The following SLC44A4 variants were observed in gnomAD, a reference collection of about 807,000 sequenced individuals.
SLC44A4 encodes the protein solute carrier family 44 member 4.
A neutral mutation model predicts 97.0 loss-of-function variants in SLC44A4; 74 were observed. The ratio of observed to expected loss-of-function variants is 0.76; its 90% CI spans 0.63 to 0.93. The LOEUF is 0.93. Among genes scored for constraint, SLC44A4 ranks in the 40% least tolerant of loss-of-function variants. The probability of loss-of-function intolerance (pLI) is 0.00; values close to 1 mark genes in which losing one functional copy is unlikely to be tolerated. For missense variants in SLC44A4, 799 were observed against 902.9 expected, an observed-to-expected ratio of 0.88 and a Z score of 1.48; for synonymous variants, 325 against 363.8, an observed-to-expected ratio of 0.89 and a Z score of 1.21.
Position 31,874,514 on chromosome 6 carries a change from T to A in SLC44A4, c.475A>T (p.Ile159Phe). ...CAGAGTTCCTGTTGCAGGCTTGTGA[T>A]CACCGTCTGTGGCAGGAGTGAAAGG... ...LPGVPWNMTV[I>F]TSLQQELCPS... The change falls in exon 7 of 21, where the codon ATC becomes TTC. Residue 159 changes from isoleucine to phenylalanine, a missense_variant. Coordinates refer to ENST00000229729, the MANE Select transcript of SLC44A4 (RefSeq NM_025257.3). This position sits in a 1 kb window ranked among gnomAD's most constrained non-coding sequence, Gnocchi z 4.8. The A allele has an allele frequency of 3.7e-6, 6 of 1,612,792 alleles. No individual in the cohort carries two copies. Among genetic ancestry groups the A allele is most frequent in the Non-Finnish European group, 5.1e-6 (6 of 1,179,900 alleles).
At chr6:31,866,842 C>T (rs1005689241) in intron 13 of SLC44A4, among the ~76,000 whole-genome samples, 1 of 150,000 alleles carries the variant, frequency 6.7e-6, no homozygotes, top group African/African-American at 2.5e-5. Flanking sequence ...TGCAGTGGGC[C>T]GAGATCGCGC....
Position 31,876,946 on chromosome 6 carries a change from T to C in SLC44A4, c.89+88A>G. 7.5e-7 allele frequency: 1 copy of C among 1,333,782 alleles called. No homozygotes were observed. Among genetic ancestry groups the C allele is most frequent in the Non-Finnish European group, 1.0e-6 (1 of 967,274 alleles). 82.6% of individuals were successfully genotyped at this position (1,333,782 alleles called of 1,614,324 possible). A position where few individuals can be genotyped will look rare whatever the true frequency, so the allele number is the denominator to read the frequency against. ...TTTCTCTTTTTCACAAGTTTCCTAC[T>C]AATATTTTAGCAAATACAAAGCAAA... On this transcript the variant is annotated intron_variant, in intron 2 of 20. Coordinates refer to ENST00000229729, the MANE Select transcript of SLC44A4 (RefSeq NM_025257.3). This position sits in a 1 kb window ranked among gnomAD's most constrained non-coding sequence, Gnocchi z 4.8.
At chr6:31,864,490 CCCTAAACG>C (rs1377701604) in intron 20 of SLC44A4, 154 bp downstream of exon 20, 1 of 663,002 alleles carries the variant, frequency 1.5e-6, no homozygotes, top group African/African-American at 1.8e-5. Flanking sequence ...CTTCCTTCTT[CCCTAAACG>C]CCTGGCCTCA....
rs146889731 is a variant in SLC44A4, at chr6:31,864,668, C to T, written c.1995G>A (p.Thr665=). ...FFSVFGMCVD[T]LFLCFLEDLE... The stretch of plus-strand genomic sequence containing the variant: ...GTCACTCACGGAAGCAGAGGAAGAG[C>T]GTGTCCACACACATGCCGAAAACGC... Residue 665 remains threonine, a synonymous_variant, in exon 20 of 21, where the codon ACG becomes ACA. Coordinates refer to ENST00000229729, the MANE Select transcript of SLC44A4 (RefSeq NM_025257.3). 1.5e-5 allele frequency: 24 copies of T among 1,613,688 alleles called. No individual in the cohort carries two copies. Among genetic ancestry groups the T allele is most frequent in the African/African-American group, 1.2e-4 (9 of 74,768 alleles).
Position 31,876,275 on chromosome 6 carries a change from C to CT in SLC44A4, c.90-147dup, listed in dbSNP as rs1367006274. ...TATTTTTATTTTTTTATTGCTTTTA[C>CT]TTTTTTATTTTGAGACAGGGTCTCA... On this transcript the variant is annotated intron_variant, in intron 2 of 20. Transcript: ENST00000229729. This position sits in a 1 kb window ranked among gnomAD's most constrained non-coding sequence, Gnocchi z 4.8. The CT allele has an allele frequency of 7.9e-6, 5 of 633,376 alleles. No homozygotes were observed. The highest frequency in any genetic ancestry group is 5.4e-6 in the Non-Finnish European group (2 of 372,216). 39.2% of individuals were successfully genotyped at this position (633,376 alleles called of 1,614,324 possible). A position where few individuals can be genotyped will look rare whatever the true frequency, so the allele number is the denominator to read the frequency against.
Position 31,874,103 on chromosome 6 carries a change from A to C in SLC44A4, c.529+357T>G. 6.6e-6 allele frequency among the ~76,000 whole-genome samples: 1 copy of C among 152,092 alleles called. No individual in the cohort carries two copies. Among genetic ancestry groups the C allele is most frequent in the South Asian group, 2.1e-4 (1 of 4,808 alleles). ...GCACTCCAGCCTGGGCAACAGAGGA[A>C]GACTCCGTCAAAAAAAAAAAAATGT... On this transcript the variant is annotated intron_variant, in intron 7 of 20. Coordinates refer to ENST00000229729, the MANE Select transcript of SLC44A4 (RefSeq NM_025257.3). The surrounding 1 kb of genome is among the most constrained non-coding windows in gnomAD (Gnocchi z 4.8).
chr6:31,873,339 C>A (rs1039778640), intron 7 of SLC44A4, among the ~76,000 whole-genome samples: 3 of 152,124 alleles, frequency 2.0e-5, no homozygotes, highest in African/African-American at 7.2e-5. Context: ...CATGCCACCA[C>A]GCCCAGCTAA....
chr6:31,870,559 C>T (rs769606360), intron 11 of SLC44A4, 44 bp downstream of exon 11: 23 of 1,504,724 alleles, frequency 1.5e-5, no homozygotes, highest in Non-Finnish European at 2.1e-5. Flanking sequence ...ACTCCTGGGT[C>T]CACGCTGTCC....
chr6:31,870,798 G>A lies in SLC44A4; in HGVS notation c.937+14C>T, dbSNP rs1763120239. On this transcript the variant is annotated intron_variant, in intron 10 of 20. Transcript: ENST00000229729. ...TTGGGCAGCTGGTGGCTTGGGGGTG[G>A]GCAGGACACTCACGGGCGGCCAGCC... The A allele has an allele frequency of 1.2e-6, 2 of 1,612,676 alleles. No homozygotes were observed. Among genetic ancestry groups the A allele is most frequent in the Admixed American group, 1.7e-5 (1 of 59,986 alleles).
intron 4 of SLC44A4, 59 bp downstream of exon 4, chr6:31,875,793 T>C: frequency 5.5e-6 from 8 of 1,457,702 alleles, no homozygotes; most frequent in Non-Finnish European, 7.5e-6. Flanking sequence ...TGGGGGGGTG[T>C]CTCCTGCCCA....
chr6:31,875,065 G>T (rs1751608784), intron 4 of SLC44A4, 37 bp from the exon 5 acceptor site: 2 of 1,547,036 alleles, frequency 1.3e-6, no homozygotes, highest in East Asian at 2.2e-5. Context: ...TCAGGGCCTG[G>T]TCAGGTGTTG....
Position 31,877,582 on chromosome 6 carries a change from G to A in SLC44A4, c.41-500C>T. On this transcript the variant is annotated intron_variant, in intron 1 of 20. Transcript: ENST00000229729. The surrounding 1 kb of genome is among the most constrained non-coding windows in gnomAD (Gnocchi z 6.5). ...CCTTACCCTCTGGTTCAAGGCTATG[G>A]GGAAAGAAACTGGAGACAAAGGTGT... 2.0e-6 allele frequency: 2 copies of A among 989,030 alleles called. No homozygotes were observed. Among genetic ancestry groups the A allele is most frequent in the Non-Finnish European group, 2.4e-6 (2 of 832,258 alleles). The allele number at this position is 989,030 out of a possible 1,614,324, so 61.3% of individuals were successfully genotyped here.
chr6:31,870,743 G>A (rs373896814), intron 10 of SLC44A4, 41 bp from the exon 11 acceptor site: 48 of 1,611,142 alleles, frequency 3.0e-5, no homozygotes, highest in Non-Finnish European at 3.7e-5. Flanking sequence ...CAGGGCCAGG[G>A]CTGGGGCCGG....
intron 13 of SLC44A4, among the ~76,000 whole-genome samples, chr6:31,866,483 T>G (rs1376838618): frequency 6.6e-6 from 1 of 152,174 alleles, no homozygotes; most frequent in African/African-American, 2.4e-5. Context: ...TTGTGAGATG[T>G]GATAATGATA....
chr6:31,876,281 T>TA lies in SLC44A4; in HGVS notation c.90-153dup. On this transcript the variant is annotated intron_variant, in intron 2 of 20. Coordinates refer to ENST00000229729, the MANE Select transcript of SLC44A4 (RefSeq NM_025257.3). This position sits in a 1 kb window ranked among gnomAD's most constrained non-coding sequence, Gnocchi z 4.8. ...TATTTTTTTATTGCTTTTACTTTTT[T>TA]ATTTTGAGACAGGGTCTCACTCTGT... 1 of 616,130 alleles carries TA rather than the reference T, an allele frequency of 1.6e-6. No homozygotes were observed. The highest frequency in any genetic ancestry group is 2.7e-6 in the Non-Finnish European group (1 of 364,000). The allele number at this position is 616,130 out of a possible 1,614,324, so 38.2% of individuals were successfully genotyped here.
In SLC44A4 at chr6:31,865,865, A is replaced by T. The variant is rs751389915; in HGVS notation, c.1487+8T>A. The T allele has an allele frequency of 1.2e-6, 2 of 1,614,104 alleles. No individual in the cohort carries two copies. The highest frequency in any genetic ancestry group is 1.7e-6 in the Non-Finnish European group (2 of 1,179,962). ...CCTACAATGACCAGGCCCCTGCCCC[A>T]TCCTTACCGGAGTGTGCGGATGAAG... On this transcript the variant is annotated splice_region_variant and intron_variant, in intron 14 of 20. Transcript: ENST00000229729. This position sits in a 1 kb window ranked among gnomAD's most constrained non-coding sequence, Gnocchi z 5.2.
In SLC44A4 at chr6:31,868,796, A is replaced by AAAACAAACAAAC. The variant is rs3037223; in HGVS notation, c.1233+347_1233+358dup. 1.2e-3 allele frequency among the ~76,000 whole-genome samples: 185 copies of AAAACAAACAAAC among 148,868 alleles called. 1 individual carries two copies. The highest frequency in any genetic ancestry group is 0.011 in the East Asian group (53 of 4,996). On this transcript the variant is annotated intron_variant, in intron 13 of 20. Coordinates refer to ENST00000229729, the MANE Select transcript of SLC44A4 (RefSeq NM_025257.3). The stretch of plus-strand genomic sequence containing the variant: ...GGGCAACAGAGCAAGACCCTGTCTC[A>AAAACAAACAAAC]AAACAAACAAACAAACAAACAAACA...
At chr6:31,875,690 TG>T in intron 4 of SLC44A4, 161 bp downstream of exon 4, 1 of 650,260 alleles carries the variant, frequency 1.5e-6, no homozygotes, top group Non-Finnish European at 2.7e-6. Flanking sequence ...GTTCTTAACG[TG>T]GCCTGGAGTT....
chr6:31,866,224 T>C, intron 13 of SLC44A4, 98 bp from the exon 14 acceptor site: 2 of 1,463,856 alleles, frequency 1.4e-6, no homozygotes, highest in Non-Finnish European at 9.2e-7. Context: ...CCTCCCAGAG[T>C]TGACAGGTGG....
Sources: allele counts gnomAD v4.1 joint callset (sites outside exome capture counted in the v4.1 genomes callset), GRCh38; gene constraint gnomAD v4.1.1; non-coding constraint Gnocchi (gnomAD v3.1); transcripts MANE v1.5; gene names NCBI Gene and HGNC (gene_info 2026-07-23, HGNC 2026-07-21).